Variants in ATAD3B observed in about 807,000 individuals in gnomAD.
ATAD3B encodes the protein ATPase family AAA domain-containing protein 3B.
In ATAD3B, 59 loss-of-function variants were observed where a neutral mutation model predicts 70.2. That is an observed-to-expected ratio of 0.84 (90% CI 0.68 to 1.04). ATAD3B has a LOEUF of 1.04. Ranked by LOEUF, ATAD3B falls within the 50% of genes least tolerant of loss-of-function variation. The probability of loss-of-function intolerance (pLI) is 0.00; values close to 1 mark genes in which losing one functional copy is unlikely to be tolerated. For synonymous variants in ATAD3B, 423 were observed against 388.6 expected, an observed-to-expected ratio of 1.09 and a Z score of -1.04; for missense variants, 961 against 913.4, an observed-to-expected ratio of 1.05 and a Z score of -0.67.
intron 12 of ATAD3B, among the ~76,000 whole-genome samples, chr1:1,488,282 G>C (rs944474534): frequency 4.6e-5 from 7 of 151,992 alleles, no homozygotes; most frequent in Non-Finnish European, 1.0e-4. Context: ...AATACAGGGT[G>C]TCTGTCGCCC....
the ATAD3B span, among the ~76,000 whole-genome samples, chr1:1,507,211 G>A: frequency 6.6e-6 from 1 of 152,292 alleles, no homozygotes; most frequent in South Asian, 2.1e-4. Flanking sequence ...AACTTCCAGT[G>A]GTATGTGGAA....
At chr1:1,501,624 C>G (rs1314372261), downstream of ATAD3B, among the ~76,000 whole-genome samples, 1 of 152,240 alleles carries the variant, frequency 6.6e-6, no homozygotes, top group Non-Finnish European at 1.5e-5. Context: ...CTCCTGACCT[C>G]AGATGATGCA....
chr1:1,489,702 G>A lies in ATAD3B; in HGVS notation c.1337+428G>A, dbSNP rs555356344. The stretch of plus-strand genomic sequence containing the variant: ...CCTGGGCCCCTCCAGCCCCAGTCAC[G>A]TGTCACACGGAGGATCAAGTCCTGC... On this transcript the variant is annotated intron_variant, in intron 13 of 15. Transcript: ENST00000673477. The A allele has an allele frequency of 6.4e-5, 84 of 1,313,702 alleles. 1 individual carries two copies. Among genetic ancestry groups the A allele is most frequent in the South Asian group, 2.5e-4 (20 of 80,978 alleles). The allele number at this position is 1,313,702 out of a possible 1,614,324, so 81.4% of individuals were successfully genotyped here.
Position 1,485,821 on chromosome 1 carries a change from G to A in ATAD3B, c.946G>A (p.Glu316Lys). 1.2e-6 allele frequency: 2 copies of A among 1,613,148 alleles called. No homozygotes were observed. The highest frequency in any genetic ancestry group is 1.7e-6 in the Non-Finnish European group (2 of 1,179,490). The change falls in exon 9 of 16, where the codon GAG (glutamate) becomes AAG (lysine). Residue 316 changes from glutamate to lysine, a missense_variant. By Grantham distance (56) the Glu-to-Lys change is moderately conservative (BLOSUM62 1). Transcript: ENST00000673477. ...CCTCAGTCGACCCCAGGACGTGCTGGAGGGTGTTGTGCTTAGTGTAAGTCG... is the reference window on the plus strand; with the variant it reads ...CCTCAGTCGACCCCAGGACGTGCTGAAGGGTGTTGTGCTTAGTGTAAGTCG... ...RLLSRPQDVL[E>K]GVVLSPSLEA...
chr1:1,499,586 CTTTTTTTTTT>C (rs71578322), downstream of ATAD3B, among the ~76,000 whole-genome samples: 1 of 65,760 alleles, frequency 1.5e-5, no homozygotes, highest in Non-Finnish European at 2.7e-5. Flanking sequence ...CCAAACAGCT[CTTTTTTTTTT>C]TTTTTTTTTT....
rs934630111 is a variant in ATAD3B at position 1,481,744 on chromosome 1, A to G, written c.515-394A>G. The stretch of plus-strand genomic sequence containing the variant: ...TTGCTTCAAAGAGCTCGTCCTGAGA[A>G]GTTGCCTAGGCCTCTGGGTCGGATT... On this transcript the variant is annotated intron_variant, in intron 5 of 15. Transcript: ENST00000673477. Among the ~76,000 whole-genome samples the G allele has an allele frequency of 2.0e-5, 3 of 150,782 alleles. No homozygotes were observed. The East Asian group carries it at 5.9e-4, about 30-fold the overall frequency.
intron 11 of ATAD3B, 76 bp from the exon 12 acceptor site, chr1:1,487,787 C>G: frequency 6.4e-7 from 1 of 1,566,298 alleles, no homozygotes. Context: ...CTGGCCTGCT[C>G]CTGCCGCGGC....
chr1:1,479,920 ACC>A (rs900210379), intron 4 of ATAD3B, among the ~76,000 whole-genome samples: 1 of 136,400 alleles, frequency 7.3e-6, no homozygotes, highest in African/African-American at 2.8e-5. Context: ...GCGCGCACAC[ACC>A]CGGACATGCA....
chr1:1,509,079 C>T, the ATAD3B span: 5 of 1,439,176 alleles, frequency 3.5e-6, no homozygotes, highest in South Asian at 1.4e-5. Context: ...TGCGGGAAGC[C>T]TGTGTTTCAC....
intron 13 of ATAD3B, chr1:1,489,544 A>G (rs112670578): frequency 0.023 from 22,959 of 1,000,890 alleles, 1,168 homozygotes; most frequent in African/African-American, 0.16. Flanking sequence ...CTGCCCCTAG[A>G]TTTCTGCGGT....
Position 1,495,935 on chromosome 1 carries a change from C to G in ATAD3B, c.*118C>G. 7.1e-7 allele frequency: 1 copy of G among 1,418,348 alleles called. No individual in the cohort carries two copies. Among genetic ancestry groups the G allele is most frequent in the East Asian group, 2.5e-5 (1 of 39,812 alleles). 87.9% of individuals were successfully genotyped at this position (1,418,348 alleles called of 1,614,324 possible). The stretch of plus-strand genomic sequence containing the variant: ...CTTTGTACCCCAGCCCCTGCCCAGG[C>G]CACTGTGAGGGTGGGTGCTGGCTGA... On this transcript the variant is annotated 3_prime_UTR_variant, in exon 16 of 16. Transcript: ENST00000673477.
chr1:1,485,372 T>G (rs1433020704), intron 8 of ATAD3B, among the ~76,000 whole-genome samples: 2 of 152,090 alleles, frequency 1.3e-5, no homozygotes, highest in Non-Finnish European at 2.9e-5. Context: ...CCTGTCTGCC[T>G]CGGTGTCCCT....
chr1:1,485,964 G>A (rs1640189105), intron 9 of ATAD3B, 126 bp downstream of exon 9: 20 of 1,593,116 alleles, frequency 1.3e-5, no homozygotes, highest in Non-Finnish European at 1.7e-5. Context: ...GCAACTGCTT[G>A]GACTGTGCCG....
At chr1:1,477,375 G>A in intron 2 of ATAD3B, 25 bp downstream of exon 2, 2 of 1,611,798 alleles carry the variant, frequency 1.2e-6, no homozygotes, top group Non-Finnish European at 1.7e-6. Context: ...TGTGGGCGAG[G>A]AGGCCGGGGC....
At chr1:1,478,314 A>G in intron 2 of ATAD3B, 2 of 1,080,946 alleles carry the variant, frequency 1.9e-6, no homozygotes, top group Non-Finnish European at 2.6e-6. Flanking sequence ...CAGGATTCCT[A>G]GAATGGGCAC....
intron 7 of ATAD3B, 111 bp from the exon 8 acceptor site, chr1:1,484,905 C>T (rs1640117928): frequency 1.3e-5 from 19 of 1,474,066 alleles, no homozygotes; most frequent in Non-Finnish European, 1.7e-5. Flanking sequence ...AGCACACGGC[C>T]CTGTGCTTCT....
chr1:1,499,758 C>A (rs1640904719), downstream of ATAD3B, among the ~76,000 whole-genome samples: 1 of 151,152 alleles, frequency 6.6e-6, no homozygotes, highest in Non-Finnish European at 1.5e-5. Context: ...CCAAGCCCGG[C>A]TAATTTTGTA....
At chr1:1,472,242 T>C (rs1639368728) in intron 1 of ATAD3B, among the ~76,000 whole-genome samples, 153 bp downstream of exon 1, 1 of 151,896 alleles carries the variant, frequency 6.6e-6, no homozygotes. Flanking sequence ...CCGTCTCGCG[T>C]GCCGGGAGGA....
chr1:1,495,018 G>C (rs1450864051), intron 15 of ATAD3B, among the ~76,000 whole-genome samples: 1 of 152,098 alleles, frequency 6.6e-6, no homozygotes, highest in Non-Finnish European at 1.5e-5. Context: ...GTGCCCAGGA[G>C]GACAGGGAAA....
Sources: allele counts gnomAD v4.1 joint callset (sites outside exome capture counted in the v4.1 genomes callset), GRCh38; gene constraint gnomAD v4.1.1; transcripts MANE v1.5; gene names NCBI Gene and HGNC (gene_info 2026-07-23, HGNC 2026-07-21).